The following ATM variants were observed in gnomAD, a reference collection of about 807,000 sequenced individuals.
ATM encodes ATM serine/threonine kinase.
Under a neutral mutation model 387.0 loss-of-function variants are expected in ATM, and 308 were observed. The ratio of observed to expected loss-of-function variants is 0.80; its 90% CI spans 0.73 to 0.87. ATM has a LOEUF of 0.87. Ranked by LOEUF, ATM falls within the 40% of genes least tolerant of loss-of-function variation. ATM has a pLI of 0.00. For synonymous variants in ATM, 1,156 were observed against 1,187.3 expected, an observed-to-expected ratio of 0.97 and a Z score of 0.54; for missense variants, 3,312 against 3,560.9, an observed-to-expected ratio of 0.93 and a Z score of 1.78.
At chr11:108,238,445 C>T (rs1351182137) in intron 5 of ATM, among the ~76,000 whole-genome samples, 1 of 152,080 alleles carries the variant, frequency 6.6e-6, no homozygotes, top group Non-Finnish European at 1.5e-5. Flanking sequence ...AGCCAACATG[C>T]CCAGCTGCAA....
intron 53 of ATM, 61 bp downstream of exon 53, chr11:108,332,961 A>G (rs1773445293): frequency 1.3e-6 from 2 of 1,564,442 alleles, no homozygotes; most frequent in Non-Finnish European, 1.7e-6. Flanking sequence ...GTAGAGATAT[A>G]TTAGTTATAG....
In ATM at chr11:108,307,772, A is replaced by G. The variant is rs1591730950; in HGVS notation, c.5675-125A>G. On this transcript the variant is annotated intron_variant, in intron 37 of 62. Coordinates refer to ENST00000675843, the MANE Select transcript of ATM (RefSeq NM_000051.4). Reference sequence around the variant, plus strand: ...ATCCTATTAAATTCCTTCAGAACCAATTTTGTGTTAGGTACTGCCCACCAG... The same window carrying G: ...ATCCTATTAAATTCCTTCAGAACCAGTTTTGTGTTAGGTACTGCCCACCAG... The G allele has an allele frequency of 9.8e-6, 8 of 815,858 alleles. No individual in the cohort carries two copies. In the East Asian group the frequency reaches 2.1e-4, roughly 22 times the overall value. 50.5% of individuals were successfully genotyped at this position (815,858 alleles called of 1,614,324 possible).
intron 58 of ATM, among the ~76,000 whole-genome samples, chr11:108,346,306 C>T (rs1395283965): frequency 2.0e-5 from 3 of 151,872 alleles, no homozygotes; most frequent in Admixed American, 6.6e-5. Flanking sequence ...AATATCATCA[C>T]CTAGTGATTA....
rs170548 is a variant in ATM at position 108,364,109 on chromosome 11, A to C, written c.8851-973A>C. 0.28 allele frequency among the ~76,000 whole-genome samples: 42,860 copies of C among 151,964 alleles called. 7,235 individuals are homozygous for C. Among genetic ancestry groups the C allele is most frequent in the Middle Eastern group, 0.54 (159 of 294 alleles). On this transcript the variant is annotated intron_variant, in intron 61 of 62. Coordinates refer to ENST00000675843, the MANE Select transcript of ATM (RefSeq NM_000051.4). ...CTCAAAACAGCATTAAAAAATAGAG[A>C]GATTTTGGTTCTGCTAATCTAGTAC...
chr11:108,280,356 T>C (rs1291444815), intron 23 of ATM, among the ~76,000 whole-genome samples: 1 of 152,208 alleles, frequency 6.6e-6, no homozygotes, highest in South Asian at 2.1e-4. Flanking sequence ...CTTGTGATTA[T>C]AGTATGAATC....
chr11:108,248,840 A>G, intron 8 of ATM, 93 bp from the exon 9 acceptor site: 1 of 1,081,372 alleles, frequency 9.2e-7, no homozygotes, highest in Non-Finnish European at 1.3e-6. Context: ...GTGATACGAG[A>G]TCGTGCTGTT....
intron 61 of ATM, among the ~76,000 whole-genome samples, chr11:108,359,274 A>G (rs1739390147): frequency 2.6e-5 from 4 of 151,842 alleles, no homozygotes; most frequent in African/African-American, 9.7e-5. Context: ...CACCCAATAC[A>G]GGAGCACCCA....
At chr11:108,260,650 A>C (rs2080809517) in intron 16 of ATM, among the ~76,000 whole-genome samples, 1 of 152,224 alleles carries the variant, frequency 6.6e-6, no homozygotes, top group Admixed American at 6.5e-5. Context: ...AGATGGCCGA[A>C]TAGGAACAGC....
intron 43 of ATM, among the ~76,000 whole-genome samples, chr11:108,318,401 C>T (rs572755439): frequency 1.3e-5 from 2 of 151,180 alleles, no homozygotes; most frequent in Non-Finnish European, 2.9e-5. Flanking sequence ...TATGCCTACT[C>T]AGGGCTGGGC....
chr11:108,328,076 C>T (rs2085863002), intron 48 of ATM, among the ~76,000 whole-genome samples: 1 of 152,142 alleles, frequency 6.6e-6, no homozygotes, highest in African/African-American at 2.4e-5. Flanking sequence ...TAAGAATAGG[C>T]AAGTCAGCCC....
intron 50 of ATM, 130 bp from the exon 51 acceptor site, chr11:108,331,314 A>G: frequency 1.4e-6 from 2 of 1,451,916 alleles, no homozygotes; most frequent in Non-Finnish European, 1.8e-6. Context: ...GGAAAACAAT[A>G]TAGTTAGTGA....
rs1399925352 is a variant in ATM, at chr11:108,267,254, G to T, written c.2550G>T (p.Glu850Asp). ...DDTNGNLMEV[E>D]DQSSMNLFND... ...CTAATGGAAATCTAATGGAGGTGGA[G>T]GATCAGTCATCCATGAATCTATTTA... The change falls in exon 17 of 63, where the codon GAG (glutamate) becomes GAT (aspartate). Residue 850 changes from glutamate to aspartate, a missense_variant. Transcript: ENST00000675843. 2 of 1,613,920 alleles carry T rather than the reference G, an allele frequency of 1.2e-6. No homozygotes were observed. The highest frequency in any genetic ancestry group is 1.3e-5 in the African/African-American group (1 of 74,912).
In ATM at chr11:108,333,955, C is replaced by CT. The variant is rs587779869; in HGVS notation, c.7998dup (p.Met2667TyrfsTer4). The CT allele has an allele frequency of 2.5e-6, 4 of 1,609,326 alleles. No homozygotes were observed. The highest frequency in any genetic ancestry group is 3.4e-6 in the Non-Finnish European group (4 of 1,175,994). Reference sequence around the variant, plus strand: ...AATTTAGAAGATGTTGTTGTCCCTACTATGGAAATTAAGGTAATTTGCAAT... The same window carrying CT: ...AATTTAGAAGATGTTGTTGTCCCTACTTATGGAAATTAAGGTAATTTGCAAT... On this transcript the variant is annotated frameshift_variant, in exon 54 of 63. Transcript: ENST00000675843. LOFTEE classifies it high-confidence loss of function.
chr11:108,316,561 T>G (rs925300285), intron 42 of ATM, among the ~76,000 whole-genome samples: 2 of 151,998 alleles, frequency 1.3e-5, no homozygotes, highest in African/African-American at 2.4e-5. Flanking sequence ...ATTAGAGCCC[T>G]TTGAGCTCTA....
Position 108,367,810 on chromosome 11 carries a change from C to A in ATM, c.*2302C>A, listed in dbSNP as rs2091413144. Reference sequence around the variant, plus strand: ...CTGTTCAGAATATTACTTTGCATTTCAAATTACAAACTTACCTTGGTGTAT... The same window carrying A: ...CTGTTCAGAATATTACTTTGCATTTAAAATTACAAACTTACCTTGGTGTAT... On this transcript the variant is annotated 3_prime_UTR_variant, in exon 63 of 63. Transcript: ENST00000675843. 4.7e-6 allele frequency: 1 copy of A among 211,086 alleles called. No homozygotes were observed. Among genetic ancestry groups the A allele is most frequent in the Non-Finnish European group, 9.6e-6 (1 of 103,986 alleles). The allele number at this position is 211,086 out of a possible 1,614,324, so 13.1% of individuals were successfully genotyped here.
chr11:108,267,470 C>G (rs573030950), intron 17 of ATM, 128 bp downstream of exon 17: 2 of 754,844 alleles, frequency 2.6e-6, no homozygotes, highest in East Asian at 2.7e-5. Flanking sequence ...TAGGATTGTT[C>G]CTTTCTTATA....
chr11:108,361,786 C>A (rs149854825), intron 61 of ATM, among the ~76,000 whole-genome samples: 1 of 152,082 alleles, frequency 6.6e-6, no homozygotes, highest in Admixed American at 6.6e-5. Context: ...ACACCTGATA[C>A]AAAAATTAAC....
chr11:108,342,180 G>C (rs2087665769), intron 56 of ATM, among the ~76,000 whole-genome samples: 1 of 152,008 alleles, frequency 6.6e-6, no homozygotes, highest in Non-Finnish European at 1.5e-5. Context: ...GTGTGGCCCA[G>C]GGAATCCAAA....
At chr11:108,347,146 T>A in intron 58 of ATM, 133 bp from the exon 59 acceptor site, 1 of 746,944 alleles carries the variant, frequency 1.3e-6, no homozygotes, top group Non-Finnish European at 2.4e-6. Context: ...GTTATGCACA[T>A]CATTTAAGTA....
Sources: gnomAD v4.1 joint callset for allele counts (sites outside exome capture counted in the v4.1 genomes callset) on GRCh38, gnomAD v4.1.1 for gene constraint, MANE v1.5 for transcripts, NCBI Gene and HGNC (gene_info 2026-07-23, HGNC 2026-07-21) for gene names.